Variants in HECW1 observed in about 807,000 individuals in gnomAD.
HECW1 encodes HECT, C2 and WW domain containing E3 ubiquitin protein ligase 1.
Under a neutral mutation model 182.3 loss-of-function variants are expected in HECW1, and 61 were observed. The ratio of observed to expected loss-of-function variants is 0.33; its 90% CI spans 0.27 to 0.41. HECW1 has a LOEUF of 0.41. Among genes scored for constraint, HECW1 ranks in the 10% least tolerant of loss-of-function variants. HECW1 has a pLI of 1.00. For missense variants in HECW1, 1,739 were observed against 2,108.9 expected, an observed-to-expected ratio of 0.82 and a Z score of 3.44; for synonymous variants, 859 against 832.6, an observed-to-expected ratio of 1.03 and a Z score of -0.55.
chr7:43,336,200 T>TCTCTCTCTCTCTCTCTCTCTC (rs1812262768), intron 5 of HECW1, among the ~76,000 whole-genome samples: 1 of 81,618 alleles, frequency 1.2e-5, no homozygotes, highest in Non-Finnish European at 2.6e-5. Flanking sequence ...CTCTCTCTCT[T>TCTCTCTCTCTCTCTCTCTCTC]TCACTCTATT....
chr7:43,417,773 T>G (rs1390947656), intron 8 of HECW1, among the ~76,000 whole-genome samples: 1 of 152,204 alleles, frequency 6.6e-6, no homozygotes, highest in Non-Finnish European at 1.5e-5. Context: ...ATGATTTAAA[T>G]CATTGTTGCT....
chr7:43,423,963 G>C (rs749404030), intron 8 of HECW1, among the ~76,000 whole-genome samples: 7 of 152,166 alleles, frequency 4.6e-5, no homozygotes, highest in Non-Finnish European at 8.8e-5. Flanking sequence ...ACAGAAACCA[G>C]GTACAGACAG....
Position 43,342,748 on chromosome 7 carries a change from G to A in HECW1, c.461-18138G>A, listed in dbSNP as rs374492006. 5.9e-5 allele frequency among the ~76,000 whole-genome samples: 9 copies of A among 151,686 alleles called. 1 individual carries two copies. The highest frequency in any genetic ancestry group is 2.2e-4 in the African/African-American group (9 of 41,028). ...TTAAGAATGTTTATACATAGAGGCC[G>A]GGCATGGTGGCTCACGCCTGTAATC... On this transcript the variant is annotated intron_variant, in intron 5 of 29. Coordinates refer to ENST00000395891, the MANE Select transcript of HECW1 (RefSeq NM_015052.5).
intron 26 of HECW1, among the ~76,000 whole-genome samples, chr7:43,549,726 C>T (rs1195395518): frequency 2.0e-5 from 3 of 152,276 alleles, no homozygotes; most frequent in East Asian, 1.9e-4. Context: ...CAGGGTCAGG[C>T]TGCCCTGGCT....
intron 8 of HECW1, among the ~76,000 whole-genome samples, chr7:43,412,034 A>G (rs2075819308): frequency 6.6e-6 from 1 of 151,638 alleles, no homozygotes. Flanking sequence ...CCCCTTCTTG[A>G]CTTGTTTTTG....
At chr7:43,171,597 A>G (rs773882746) in intron 2 of HECW1, among the ~76,000 whole-genome samples, 11 of 152,244 alleles carry the variant, frequency 7.2e-5, no homozygotes, top group Non-Finnish European at 1.5e-4. Context: ...ATAGGTTTTA[A>G]CAGATGCATG....
chr7:43,254,760 G>A (rs553493870), intron 3 of HECW1, among the ~76,000 whole-genome samples: 1 of 151,450 alleles, frequency 6.6e-6, no homozygotes, highest in Non-Finnish European at 1.5e-5. Context: ...AGCACTGGTC[G>A]TAATGCCCAG....
intron 15 of HECW1, among the ~76,000 whole-genome samples, chr7:43,467,880 G>C (rs984152752): frequency 4.6e-5 from 7 of 152,134 alleles, no homozygotes; most frequent in South Asian, 2.1e-4. Flanking sequence ...GGCTGCAAAG[G>C]GGGGGATCAG....
At position 43,550,456 on chromosome 7, in the gene HECW1, G is replaced by A. The variant is rs1585272856; in HGVS notation, c.4260G>A (p.Arg1420=). ...NEEVFGQVTE[R]ELKSGGANTQ... is the part of the protein sequence containing the mutation. ...TGTTTTCCTACAAGGTCACGGAAAGGGAGTTGAAGTCTGGAGGAGCCAACA... is the reference window on the plus strand; with the variant it reads ...TGTTTTCCTACAAGGTCACGGAAAGAGAGTTGAAGTCTGGAGGAGCCAACA... Residue 1420 remains arginine (R), a synonymous_variant, in exon 27 of 30, where the codon AGG becomes AGA. Transcript: ENST00000395891. 6.2e-7 allele frequency: 1 copy of A among 1,614,098 alleles called. No individual in the cohort carries two copies. Among genetic ancestry groups the A allele is most frequent in the Non-Finnish European group, 8.5e-7 (1 of 1,180,004 alleles).
chr7:43,182,735 C>G (rs1293410894), intron 2 of HECW1, among the ~76,000 whole-genome samples: 1 of 151,614 alleles, frequency 6.6e-6, no homozygotes, highest in Non-Finnish European at 1.5e-5. Flanking sequence ...GGTATTCAAT[C>G]TGTAGATCAC....
chr7:43,557,598 G>A (rs2152963718), intron 29 of HECW1, among the ~76,000 whole-genome samples: 1 of 152,360 alleles, frequency 6.6e-6, no homozygotes, highest in East Asian at 1.9e-4. Flanking sequence ...TTGCCACACA[G>A]TCTGGTAGGA....
chr7:43,327,742 T>G (rs1367069361), intron 5 of HECW1, among the ~76,000 whole-genome samples: 2 of 152,136 alleles, frequency 1.3e-5, no homozygotes, highest in Non-Finnish European at 2.9e-5. Flanking sequence ...CAGCCCCAAG[T>G]GAAAGGGTTG....
At chr7:43,247,968 A>T (rs1448504760) in intron 3 of HECW1, among the ~76,000 whole-genome samples, 2 of 133,356 alleles carry the variant, frequency 1.5e-5, no homozygotes, top group African/African-American at 6.3e-5. Flanking sequence ...AAAGAAAAAG[A>T]GAAAGGAAAG....
rs1409058081 is a variant in HECW1, at chr7:43,349,994, C to T, written c.461-10892C>T. On this transcript the variant is annotated intron_variant, in intron 5 of 29. Transcript: ENST00000395891. ...ATGCTTTAAAGAGGTTCTGTTTTGA[C>T]GTGTTTTCAGGATTTGTTTCAAGAT... 4.6e-5 allele frequency among the ~76,000 whole-genome samples: 7 copies of T among 152,034 alleles called. No individual in the cohort carries two copies. In the East Asian group the frequency reaches 5.8e-4, roughly 13 times the overall value.
chr7:43,233,933 A>C (rs866619687), intron 2 of HECW1, among the ~76,000 whole-genome samples: 1 of 152,236 alleles, frequency 6.6e-6, no homozygotes, highest in African/African-American at 2.4e-5. Context: ...ATGGAAATAG[A>C]TTGCAGCTTC....
intron 11 of HECW1, 147 bp downstream of exon 11, chr7:43,445,717 C>T (rs1465115000): frequency 5.1e-6 from 5 of 973,242 alleles, no homozygotes; most frequent in Non-Finnish European, 7.5e-6. Flanking sequence ...TACATGTGTG[C>T]ATGTGTATCT....
intron 17 of HECW1, among the ~76,000 whole-genome samples, chr7:43,482,109 A>G (rs2078461483): frequency 3.3e-5 from 5 of 152,010 alleles, no homozygotes. Context: ...AACCTCACCC[A>G]TCCCTATGCC....
At chr7:43,190,988 T>A (rs984489341) in intron 2 of HECW1, among the ~76,000 whole-genome samples, 52 of 152,182 alleles carry the variant, frequency 3.4e-4, no homozygotes, top group African/African-American at 1.2e-3. Flanking sequence ...GGAAGGACCT[T>A]GGTGCAAGTA....
intron 8 of HECW1, among the ~76,000 whole-genome samples, chr7:43,410,082 ATCC>A (rs1223805606): frequency 4.6e-5 from 7 of 152,196 alleles, no homozygotes; most frequent in Non-Finnish European, 7.4e-5. Context: ...AGATGGCCTC[ATCC>A]TCCTCTGTTA....
Sources: allele counts gnomAD v4.1 joint callset (sites outside exome capture counted in the v4.1 genomes callset), GRCh38; gene constraint gnomAD v4.1.1; transcripts MANE v1.5; gene names NCBI Gene and HGNC (gene_info 2026-07-23, HGNC 2026-07-21).